The following ELMO1 variants were observed in gnomAD, a reference collection of about 807,000 sequenced individuals.
ELMO1 encodes engulfment and cell motility protein 1.
ELMO1 carries 26 observed loss-of-function variants against 98.9 expected under a neutral mutation model. That is an observed-to-expected ratio of 0.26 (90% CI 0.19 to 0.36). ELMO1 has a LOEUF of 0.36. Among genes scored for constraint, ELMO1 ranks in the 10% least tolerant of loss-of-function variants. The pLI is 1.00. For synonymous variants in ELMO1, 346 were observed against 346.0 expected, an observed-to-expected ratio of 1.00 and a Z score of 0.00; for missense variants, 627 against 935.2, an observed-to-expected ratio of 0.67 and a Z score of 4.30.
intron 1 of ELMO1, among the ~76,000 whole-genome samples, chr7:37,431,411 T>C (rs549697204): frequency 4.6e-5 from 7 of 152,316 alleles, no homozygotes; most frequent in Middle Eastern, 3.4e-3. Context: ...TAGATGATCA[T>C]AGTGTTTCTA....
chr7:37,227,937 C>T (rs1793957334), intron 8 of ELMO1, among the ~76,000 whole-genome samples: 1 of 152,188 alleles, frequency 6.6e-6, no homozygotes, highest in African/African-American at 2.4e-5. Context: ...CCTAGTAATT[C>T]ACCTCTTCCT....
intron 1 of ELMO1, among the ~76,000 whole-genome samples, chr7:37,444,427 A>C (rs1805527767): frequency 6.6e-6 from 1 of 152,228 alleles, no homozygotes; most frequent in Admixed American, 6.5e-5. Flanking sequence ...TTTCTGCATC[A>C]CTAAAGTGAA....
chr7:37,307,171 G>C (rs994964788), intron 4 of ELMO1, among the ~76,000 whole-genome samples: 1 of 152,182 alleles, frequency 6.6e-6, no homozygotes, highest in Non-Finnish European at 1.5e-5. Flanking sequence ...TGTCCAAAGG[G>C]GAAGTTAAAA....
intron 16 of ELMO1, among the ~76,000 whole-genome samples, chr7:36,977,056 T>A (rs1325231743): frequency 2.0e-5 from 3 of 152,190 alleles, no homozygotes; most frequent in African/African-American, 4.8e-5. Context: ...TGTTTCCTTA[T>A]CTATAAAAGG....
In ELMO1 at chr7:36,869,230, C is replaced by T. The variant is rs1281482822; in HGVS notation, c.1905+1163G>A. On this transcript the variant is annotated intron_variant, in intron 20 of 21. Coordinates refer to ENST00000310758, the MANE Select transcript of ELMO1 (RefSeq NM_014800.11). Reference sequence around the variant, plus strand: ...CAATCAAATGCATTACATGACAATGCTGTGATGGGCTCAACAAAGGAGTTC... The same window carrying T: ...CAATCAAATGCATTACATGACAATGTTGTGATGGGCTCAACAAAGGAGTTC... 2.0e-5 allele frequency among the ~76,000 whole-genome samples: 3 copies of T among 146,592 alleles called. No homozygotes were observed. The East Asian group carries it at 6.4e-4, about 31-fold the overall frequency.
At chr7:37,321,000 T>C (rs1414221110) in intron 2 of ELMO1, among the ~76,000 whole-genome samples, 3 of 152,310 alleles carry the variant, frequency 2.0e-5, no homozygotes, top group African/African-American at 7.2e-5. Flanking sequence ...AATTCATGGC[T>C]TGGAAGAGCA....
At chr7:37,394,818 G>A (rs986815568) in intron 1 of ELMO1, among the ~76,000 whole-genome samples, 1 of 152,070 alleles carries the variant, frequency 6.6e-6, no homozygotes, top group African/African-American at 2.4e-5. Flanking sequence ...AGCAGGTGTT[G>A]GTAACTCAGC....
intron 13 of ELMO1, among the ~76,000 whole-genome samples, chr7:37,137,549 T>A (rs992401356): frequency 5.3e-5 from 8 of 152,216 alleles, no homozygotes; most frequent in Middle Eastern, 3.4e-3. Context: ...GTAATTTTTT[T>A]TTTTTTGGAG....
chr7:36,942,841 T>C (rs549339840), intron 16 of ELMO1, among the ~76,000 whole-genome samples: 1 of 152,232 alleles, frequency 6.6e-6, no homozygotes, highest in South Asian at 2.1e-4. Context: ...GAATACACAG[T>C]ACAGAAAGGC....
At position 37,405,538 on chromosome 7, in the gene ELMO1, A is replaced by G. The variant is rs184522386; in HGVS notation, c.-74+43137T>C. Among the ~76,000 whole-genome samples, 168 of 152,360 alleles carry G rather than the reference A, an allele frequency of 1.1e-3. 2 individuals are homozygous for G. The highest frequency in any genetic ancestry group is 5.8e-4 in the East Asian group (3 of 5,188). The stretch of plus-strand genomic sequence containing the variant: ...GCACAGAATCGCAAATGTTATCCTT[A>G]TAGGCAATGTGTTCCTTCATTTCAC... On this transcript the variant is annotated intron_variant, in intron 1 of 21. Transcript: ENST00000310758.
intron 1 of ELMO1, among the ~76,000 whole-genome samples, chr7:37,443,519 T>A (rs776940943): frequency 6.6e-6 from 1 of 152,212 alleles, no homozygotes; most frequent in Non-Finnish European, 1.5e-5. Flanking sequence ...TATTCCTATC[T>A]GATACTTAAC....
intron 1 of ELMO1, among the ~76,000 whole-genome samples, chr7:37,345,797 G>C (rs1037484006): frequency 1.3e-5 from 2 of 151,744 alleles, no homozygotes; most frequent in Non-Finnish European, 2.9e-5. Context: ...AGACCATCCT[G>C]GCTAACGCCG....
intron 1 of ELMO1, among the ~76,000 whole-genome samples, chr7:37,425,067 T>A (rs1380003618): frequency 1.3e-5 from 2 of 152,160 alleles, no homozygotes; most frequent in Non-Finnish European, 2.9e-5. Context: ...TTTCCAGTCT[T>A]CATAGATTTA....
chr7:37,329,818 T>C (rs1800007495), intron 2 of ELMO1, among the ~76,000 whole-genome samples: 1 of 152,194 alleles, frequency 6.6e-6, no homozygotes. Flanking sequence ...TCTGTCAAAT[T>C]AGTCTTCCCA....
At chr7:37,401,621 G>A (rs140271889) in intron 1 of ELMO1, among the ~76,000 whole-genome samples, 2,109 of 152,198 alleles carry the variant, frequency 0.014, 48 homozygotes, top group African/African-American at 0.048. Context: ...TTCACAAGGC[G>A]GCATGAAGGA....
At chr7:36,891,687 A>G (rs1250573763) in intron 17 of ELMO1, among the ~76,000 whole-genome samples, 1 of 152,218 alleles carries the variant, frequency 6.6e-6, no homozygotes, top group East Asian at 1.9e-4. Context: ...TCAAATCCTT[A>G]TGACAATCCA....
At chr7:36,982,146 T>C (rs1327966678) in intron 16 of ELMO1, among the ~76,000 whole-genome samples, 7 of 152,220 alleles carry the variant, frequency 4.6e-5, no homozygotes, top group Non-Finnish European at 8.8e-5. Flanking sequence ...AGTTATTTAT[T>C]GGAAAACTTT....
At chr7:37,130,444 C>G (rs1333002827) in intron 14 of ELMO1, among the ~76,000 whole-genome samples, 1 of 152,112 alleles carries the variant, frequency 6.6e-6, no homozygotes, top group Non-Finnish European at 1.5e-5. Flanking sequence ...AGACTAAGAG[C>G]AACGGTCAGC....
At chr7:37,350,368 A>G (rs920857012) in intron 1 of ELMO1, among the ~76,000 whole-genome samples, 3 of 152,202 alleles carry the variant, frequency 2.0e-5, no homozygotes, top group African/African-American at 7.2e-5. Context: ...GGCTTGCAAT[A>G]TAATGGAAAC....
Sources: allele counts gnomAD v4.1 joint callset (sites outside exome capture counted in the v4.1 genomes callset), GRCh38; gene constraint gnomAD v4.1.1; transcripts MANE v1.5; gene names NCBI Gene and HGNC (gene_info 2026-07-23, HGNC 2026-07-21).